Variants in COG3 observed in about 807,000 individuals in gnomAD.
COG3 encodes the protein component of oligomeric golgi complex 3, also known as conserved oligomeric Golgi complex subunit 3.
A neutral mutation model predicts 114.1 loss-of-function variants in COG3; 32 were observed. That is an observed-to-expected ratio of 0.28 (90% CI 0.21 to 0.38). The LOEUF is 0.38. Ranked by LOEUF, COG3 falls within the 10% of genes least tolerant of loss-of-function variation. The pLI is 1.00. For synonymous variants in COG3, 352 were observed against 365.7 expected, an observed-to-expected ratio of 0.96 and a Z score of 0.43; for missense variants, 813 against 973.2, an observed-to-expected ratio of 0.84 and a Z score of 2.19.
chr13:45,489,819 ATTTTT>A (rs66501920), intron 8 of COG3, among the ~76,000 whole-genome samples: 17 of 146,232 alleles, frequency 1.2e-4, no homozygotes, highest in African/African-American at 3.0e-4. Flanking sequence ...ATTCCAATGG[ATTTTT>A]TTTTTTTTTT....
chr13:45,484,963 A>C (rs1396103877), intron 7 of COG3, among the ~76,000 whole-genome samples: 1 of 143,892 alleles, frequency 6.9e-6, no homozygotes, highest in African/African-American at 2.6e-5. Context: ...AATTTTTCTT[A>C]GTGCAGAACA....
At chr13:45,484,577 C>T (rs1297930680) in intron 7 of COG3, among the ~76,000 whole-genome samples, 2 of 137,314 alleles carry the variant, frequency 1.5e-5, no homozygotes, top group Non-Finnish European at 3.1e-5. Flanking sequence ...CCTAAGCTTG[C>T]TTATTTATTT....
Position 45,490,905 on chromosome 13 carries a change from T to G in COG3, c.925-10T>G. 1.3e-6 allele frequency: 2 copies of G among 1,561,068 alleles called. No individual in the cohort carries two copies. Among genetic ancestry groups the G allele is most frequent in the South Asian group, 2.3e-5 (2 of 85,474 alleles). ...GATGGTTTTTTGATGCATTTTTTCT[T>G]ACTTTGCAGACTCTTATTGAACAAA... On this transcript the variant is annotated splice_polypyrimidine_tract_variant and intron_variant, in intron 8 of 22. Transcript: ENST00000349995.
intron 17 of COG3, among the ~76,000 whole-genome samples, 171 bp from the exon 18 acceptor site, chr13:45,518,575 TAGAAAATAACTCTGTG>T (rs1337232911): frequency 2.0e-5 from 3 of 152,254 alleles, no homozygotes; most frequent in Non-Finnish European, 4.4e-5. Context: ...TTTGAACTTC[TAGAAAATAACTCTGTG>T]AGTACTGTAG....
rs546485524 is a variant in COG3 at position 45,519,523 on chromosome 13, A to G, written c.2154+429A>G. 5.9e-5 allele frequency among the ~76,000 whole-genome samples: 9 copies of G among 152,280 alleles called. No homozygotes were observed. The East Asian group carries it at 1.5e-3, about 26-fold the overall frequency. On this transcript the variant is annotated intron_variant, in intron 19 of 22. Coordinates refer to ENST00000349995, the MANE Select transcript of COG3 (RefSeq NM_031431.4). Reference sequence around the variant, plus strand: ...ATGCCGTTTTTCTCTTCCATTTTGCATGGATAATTGAGAACTGAAGACTTT... The same window carrying G: ...ATGCCGTTTTTCTCTTCCATTTTGCGTGGATAATTGAGAACTGAAGACTTT...
intron 22 of COG3, chr13:45,531,189 G>A (rs1566276082): frequency 2.5e-6 from 1 of 392,718 alleles, no homozygotes; most frequent in Non-Finnish European, 3.5e-6. Flanking sequence ...ACACGAGTAA[G>A]TTCTTCAGTG....
intron 5 of COG3, 31 bp downstream of exon 5, chr13:45,481,335 T>G (rs774858104): frequency 1.6e-6 from 2 of 1,218,894 alleles, no homozygotes; most frequent in Admixed American, 4.0e-5. Context: ...CTTATAAAGT[T>G]AGTGATTTTT....
chr13:45,510,941 G>A (rs1480663307), intron 15 of COG3, among the ~76,000 whole-genome samples: 1 of 152,182 alleles, frequency 6.6e-6, no homozygotes, highest in Non-Finnish European at 1.5e-5. Flanking sequence ...ACAGAACAGG[G>A]AGAAGCAATG....
intron 1 of COG3, among the ~76,000 whole-genome samples, chr13:45,473,866 A>T (rs1214077770): frequency 6.6e-6 from 1 of 152,186 alleles, no homozygotes; most frequent in Admixed American, 6.5e-5. Flanking sequence ...GTTGCTGATG[A>T]CACTTTAGAC....
rs763783708 is a variant in COG3, at chr13:45,492,329, G to C, written c.1187+79G>C. The C allele has an allele frequency of 2.5e-5, 18 of 706,240 alleles. No homozygotes were observed. In the Middle Eastern group the frequency reaches 2.4e-3, roughly 95 times the overall value. The allele number at this position is 706,240 out of a possible 1,614,324, so 43.7% of individuals were successfully genotyped here. Reference sequence around the variant, plus strand: ...CATAATGAATCAGTATATTATAGGAGTATTCTATCATTAACTGGAGAATGT... The same window carrying C: ...CATAATGAATCAGTATATTATAGGACTATTCTATCATTAACTGGAGAATGT... On this transcript the variant is annotated intron_variant, in intron 11 of 22. Transcript: ENST00000349995.
intron 20 of COG3, among the ~76,000 whole-genome samples, chr13:45,527,778 AG>A (rs1566274225): frequency 6.6e-6 from 1 of 152,168 alleles, no homozygotes; most frequent in Non-Finnish European, 1.5e-5. Flanking sequence ...GTGATCCCTG[AG>A]GTGTGTTAGT....
intron 1 of COG3, among the ~76,000 whole-genome samples, chr13:45,472,478 A>G (rs940672243): frequency 2.0e-5 from 3 of 152,116 alleles, no homozygotes; most frequent in Non-Finnish European, 4.4e-5. Context: ...TGATATCATC[A>G]TATAATTTGA....
chr13:45,472,446 T>G (rs1207334412), intron 1 of COG3, among the ~76,000 whole-genome samples: 2 of 152,202 alleles, frequency 1.3e-5, no homozygotes, highest in Non-Finnish European at 2.9e-5. Context: ...CTGCTTCTTT[T>G]GGGATCCCAT....
Position 45,482,398 on chromosome 13 carries a change from A to G in COG3, c.642A>G (p.Thr214=), listed in dbSNP as rs1290723264. 3.9e-6 allele frequency: 6 copies of G among 1,544,990 alleles called. No individual in the cohort carries two copies. The South Asian group carries it at 5.7e-5, about 15-fold the overall frequency. ...TCTTAAAGAAATTGAATTCCCCTACATTGTCGGTGAATAGTGACGGATTTA... is the reference window on the plus strand; with the variant it reads ...TCTTAAAGAAATTGAATTCCCCTACGTTGTCGGTGAATAGTGACGGATTTA... ...ETINTKLNSP[T]LSVNSDGFIP... is the part of the protein sequence containing the mutation. The change falls in exon 6 of 23, where the codon ACA becomes ACG. Residue 214 remains threonine (T), a synonymous_variant. Coordinates refer to ENST00000349995, the MANE Select transcript of COG3 (RefSeq NM_031431.4).
chr13:45,465,139 C>G lies in COG3; in HGVS notation c.103C>G (p.Leu35Val). The G allele has an allele frequency of 6.2e-7, 1 of 1,613,630 alleles. No homozygotes were observed. The highest frequency in any genetic ancestry group is 1.3e-5 in the African/African-American group (1 of 75,058). ...WDRRPDTTAP[L>V]TDRQTDSVLE... ...TCGGAGACCGGACACGACGGCGCCG[C>G]TGACCGACAGGCAGACGGACTCGGT... The change falls in exon 1 of 23, where the codon CTG becomes GTG. Residue 35 changes from leucine to valine, a missense_variant. Leu to Val is a conservative substitution (Grantham distance 32). Around this residue, in one of 2 missense-constraint regions of COG3, gnomAD observed 424 missense variants for 430.6 expected, o/e 0.98. Coordinates refer to ENST00000349995, the MANE Select transcript of COG3 (RefSeq NM_031431.4).
intron 3 of COG3, among the ~76,000 whole-genome samples, chr13:45,479,717 C>T (rs1389952040): frequency 2.0e-5 from 3 of 152,140 alleles, no homozygotes; most frequent in Non-Finnish European, 4.4e-5. Context: ...GGGCTTGGAC[C>T]CAGGTCTTCT....
chr13:45,516,155 G>T lies in COG3; in HGVS notation c.1822G>T (p.Gly608Ter). The change falls in exon 17 of 23, where the codon GGA (glycine) becomes TGA (stop). Residue 608 changes from glycine to a stop codon, truncating the protein, a stop_gained. Coordinates refer to ENST00000349995, the MANE Select transcript of COG3 (RefSeq NM_031431.4). LOFTEE classifies it high-confidence loss of function. ...TCTTATAATTTAGACTCAGATTGAT[G>T]GACAACTTTTCTTAATTAAGCACCT... Reference protein sequence around the residue: ...SISKNKTQIDGQLFLIKHLLI... With the variant: ...SISKNKTQID 1 of 1,569,228 alleles carries T rather than the reference G, an allele frequency of 6.4e-7. No homozygotes were observed. The highest frequency in any genetic ancestry group is 8.7e-7 in the Non-Finnish European group (1 of 1,149,636).
Position 45,524,183 on chromosome 13 carries a change from G to A in COG3, c.2155-793G>A, listed in dbSNP as rs371408704. ...TCTGAGAAATCTAGAGCTGTTGCTCGGGCTTTTCTAATGAGACTTTCCCGT... is the reference window on the plus strand; with the variant it reads ...TCTGAGAAATCTAGAGCTGTTGCTCAGGCTTTTCTAATGAGACTTTCCCGT... On this transcript the variant is annotated intron_variant, in intron 19 of 22. Coordinates refer to ENST00000349995, the MANE Select transcript of COG3 (RefSeq NM_031431.4). Among the ~76,000 whole-genome samples the A allele has an allele frequency of 2.0e-4, 30 of 152,252 alleles. 1 individual carries two copies. The South Asian group carries it at 5.8e-3, about 29-fold the overall frequency.
chr13:45,535,657 G>GGCTGT lies in COG3; in HGVS notation c.*938_*942dup, dbSNP rs1480966047. 1.0e-6 allele frequency: 1 copy of GGCTGT among 985,610 alleles called. No individual in the cohort carries two copies. The highest frequency in any genetic ancestry group is 1.2e-6 in the Non-Finnish European group (1 of 830,058). 61.1% of individuals were successfully genotyped at this position (985,610 alleles called of 1,614,324 possible). ...TCATGTCCTGTCTATTCATTCAGCT[G>GGCTGT]GCTGTGCTGTGCTGTGGACCAGCTG... On this transcript the variant is annotated 3_prime_UTR_variant, in exon 23 of 23. Transcript: ENST00000349995.
Sources: allele counts gnomAD v4.1 joint callset (sites outside exome capture counted in the v4.1 genomes callset), GRCh38; gene constraint gnomAD v4.1.1; regional missense constraint gnomAD v4.1.1; transcripts MANE v1.5; gene names NCBI Gene and HGNC (gene_info 2026-07-23, HGNC 2026-07-21).